The following MYH4 variants were observed in gnomAD, a reference collection of about 807,000 sequenced individuals.
MYH4 encodes myosin-4.
MYH4 carries 200 observed loss-of-function variants against 229.9 expected under a neutral mutation model. The observed-to-expected ratio is 0.87, with a 90% CI of 0.78 to 0.98. MYH4 has a LOEUF of 0.98. Ranked by LOEUF, MYH4 falls within the 50% of genes least tolerant of loss-of-function variation. The pLI is 0.00. For synonymous variants in MYH4, 761 were observed against 834.6 expected (o/e 0.91, Z 1.52); for missense variants, 2,148 against 2,332.6 (o/e 0.92, Z 1.63).
In MYH4 at chr17:10,444,993, G is replaced by A. The variant is rs759003357; in HGVS notation, c.5449C>T (p.Gln1817Ter). 2 of 1,614,112 alleles carry A rather than the reference G, an allele frequency of 1.2e-6. No homozygotes were observed. The highest frequency in any genetic ancestry group is 1.7e-6 in the Non-Finnish European group (2 of 1,180,012). The part of the protein sequence containing the change: ...LALKGGKKQI[Q>*]KLEARVRELE... The stretch of plus-strand genomic sequence containing the variant: ...AGACCTACCCTGGCCTCCAGTTTCT[G>A]GATCTGCTTCTTCCCACCCTTCAGC... Residue 1817 changes from glutamine (Q) to a stop codon, truncating the protein, a stop_gained, in exon 37 of 40, where the codon CAG becomes TAG. Transcript: ENST00000255381. LOFTEE classifies it high-confidence loss of function.
chr17:10,465,360 C>A, intron 5 of MYH4, 82 bp downstream of exon 5: 1 of 1,517,536 alleles, frequency 6.6e-7, no homozygotes. Flanking sequence ...CAGTTATTCT[C>A]AGAATACTAG....
In MYH4 at chr17:10,443,775, T is replaced by C. The variant is rs2072481946; in HGVS notation, c.5668-248A>G. 1.3e-5 allele frequency among the ~76,000 whole-genome samples: 2 copies of C among 151,968 alleles called. No homozygotes were observed. The highest frequency in any genetic ancestry group is 1.3e-4 in the Admixed American group (2 of 15,254). Reference sequence around the variant, plus strand: ...CATCTTTACTAAAATTAGCCCAGCGTAGTGGTGGATGCCTGTAATTCCAGC... The same window carrying C: ...CATCTTTACTAAAATTAGCCCAGCGCAGTGGTGGATGCCTGTAATTCCAGC... On this transcript the variant is annotated intron_variant, in intron 39 of 39. Transcript: ENST00000255381. This position sits in a 1 kb window ranked among gnomAD's most constrained non-coding sequence, Gnocchi z 4.6.
intron 15 of MYH4, 24 bp from the exon 16 acceptor site, chr17:10,457,753 A>G (rs779676630): frequency 4.5e-5 from 72 of 1,599,756 alleles, no homozygotes; most frequent in Non-Finnish European, 5.9e-5. Context: ...AAAAGGGATG[A>G]TAATGATGAG....
intron 2 of MYH4, among the ~76,000 whole-genome samples, chr17:10,467,605 CTT>C (rs2072781639): frequency 1.3e-5 from 2 of 151,948 alleles, no homozygotes; most frequent in South Asian, 4.2e-4. Context: ...CTGTATTTCT[CTT>C]TGTTTTTAGT....
At chr17:10,450,935 T>TAAC in intron 28 of MYH4, 40 bp from the exon 29 acceptor site, 1 of 1,467,104 alleles carries the variant, frequency 6.8e-7, no homozygotes, top group Non-Finnish European at 9.5e-7. Flanking sequence ...TTCTGTTGTC[T>TAAC]AGGTAAACAA....
At chr17:10,456,380 C>T (rs2072638274) in intron 17 of MYH4, 105 bp downstream of exon 17, 1 of 904,770 alleles carries the variant, frequency 1.1e-6, no homozygotes, top group African/African-American at 1.7e-5. Context: ...GTATACTGTA[C>T]TACTTTATTC....
chr17:10,444,019 C>A (rs2072484438), intron 39 of MYH4, among the ~76,000 whole-genome samples: 1 of 152,058 alleles, frequency 6.6e-6, no homozygotes, highest in South Asian at 2.1e-4. Flanking sequence ...TGCTTATGAC[C>A]CTCCTCAAGT....
chr17:10,453,079 A>T, intron 24 of MYH4, 73 bp downstream of exon 24: 1 of 1,603,368 alleles, frequency 6.2e-7, no homozygotes, highest in East Asian at 2.2e-5. Flanking sequence ...AAGGCTTATG[A>T]CTATCAGTGC....
At position 10,453,157 on chromosome 17, in the gene MYH4, C is replaced by A; in HGVS notation, c.3106G>T (p.Asp1036Tyr). 6.2e-7 allele frequency: 1 copy of A among 1,614,094 alleles called. No individual in the cohort carries two copies. The stretch of plus-strand genomic sequence containing the variant: ...ATTTTCTTTTTCACACTTACATCGT[C>A]CACTTGCTGTTCTAGCTTGGTTTTA... ...KAKTKLEQQVDDLEGSLEQEK... is the reference protein window; with the variant it reads ...KAKTKLEQQVYDLEGSLEQEK... Residue 1036 changes from aspartate (D) to tyrosine (Y), a missense_variant, in exon 24 of 40, where the codon GAC becomes TAC. Transcript: ENST00000255381.
At chr17:10,465,770 C>CTTTTTT (rs957442606) in intron 4 of MYH4, among the ~76,000 whole-genome samples, 172 bp from the exon 5 acceptor site, 34 of 97,982 alleles carry the variant, frequency 3.5e-4, no homozygotes, top group East Asian at 1.3e-3. Flanking sequence ...TTCAGTTTTT[C>CTTTTTT]TTTTTTTTTT....
intron 11 of MYH4, among the ~76,000 whole-genome samples, chr17:10,461,973 G>A (rs116275016): frequency 0.015 from 2,337 of 152,026 alleles, 60 homozygotes; most frequent in African/African-American, 0.053. Flanking sequence ...TTTTAACCTC[G>A]CAGACCAGGG....
chr17:10,453,343 A>G lies in MYH4; in HGVS notation c.2935-15T>C. On this transcript the variant is annotated splice_polypyrimidine_tract_variant and intron_variant, in intron 23 of 39. Coordinates refer to ENST00000255381, the MANE Select transcript of MYH4 (RefSeq NM_017533.2). The stretch of plus-strand genomic sequence containing the variant: ...AGGTTTTTCACCTTTAGATTAGAAC[A>G]GATGACCAGAATGTCAATGACAACG... The G allele has an allele frequency of 6.2e-7, 1 of 1,613,996 alleles. No individual in the cohort carries two copies.
chr17:10,458,605 A>G (rs1485927731), intron 15 of MYH4, among the ~76,000 whole-genome samples: 1 of 152,136 alleles, frequency 6.6e-6, no homozygotes, highest in Non-Finnish European at 1.5e-5. Context: ...CATACACTTT[A>G]TTGATATCAA....
At chr17:10,451,683 A>G (rs1202989723) in intron 27 of MYH4, among the ~76,000 whole-genome samples, 1 of 152,186 alleles carries the variant, frequency 6.6e-6, no homozygotes, top group Non-Finnish European at 1.5e-5. Context: ...ATTCTGCATC[A>G]TTTAGAGTAT....
In MYH4 at chr17:10,443,465, G is replaced by C. The variant is rs759344092; in HGVS notation, c.5730C>G (p.Ala1910=). 1 of 1,614,002 alleles carries C rather than the reference G, an allele frequency of 6.2e-7. No homozygotes were observed. The highest frequency in any genetic ancestry group is 1.1e-5 in the South Asian group (1 of 91,076). ...ACTCAGCAATGTCAGCCCGTTCCTT[G>C]GCCTCCTCCAGCTCGTGCTGGAGCT... is the stretch of plus-strand genomic sequence containing the variant. ...FRKLQHELEE[A]KERADIAESQ... is the part of the protein sequence containing the mutation. Residue 1910 remains alanine (A), a synonymous_variant, in exon 40 of 40, where the codon GCC becomes GCG. Transcript: ENST00000255381. The surrounding 1 kb of genome is among the most constrained non-coding windows in gnomAD (Gnocchi z 4.6).
In MYH4 at chr17:10,443,479, C is replaced by T. The variant is rs138871618; in HGVS notation, c.5716G>A (p.Glu1906Lys). The change falls in exon 40 of 40, where the codon GAG becomes AAG. Residue 1906 changes from glutamate (E) to lysine (K), a missense_variant. By Grantham distance (56) the Glu-to-Lys change is moderately conservative. Transcript: ENST00000255381. This position sits in a 1 kb window ranked among gnomAD's most constrained non-coding sequence, Gnocchi z 4.6. The stretch of plus-strand genomic sequence containing the variant: ...GCCCGTTCCTTGGCCTCCTCCAGCT[C>T]GTGCTGGAGCTTGCGGAACTTGGCA... ...NLAKFRKLQH[E>K]LEEAKERADI... is the part of the protein sequence containing the mutation. 4.0e-5 allele frequency: 65 copies of T among 1,614,054 alleles called. 1 individual carries two copies. Among genetic ancestry groups the T allele is most frequent in the Admixed American group, 3.7e-4 (22 of 60,026 alleles).
At chr17:10,457,065 G>T (rs942291848) in intron 16 of MYH4, among the ~76,000 whole-genome samples, 1 of 152,214 alleles carries the variant, frequency 6.6e-6, no homozygotes, top group African/African-American at 2.4e-5. Context: ...AAGCACTAGG[G>T]CCCTGACAAA....
rs370061303 is a variant in MYH4, at chr17:10,460,230, G to A, written c.1239C>T (p.Phe413=). The part of the protein sequence containing the change: ...CYPRVKVGNE[F]VTKGQTVQQV... Reference sequence around the variant, plus strand: ...GCTGCACAGTCTGGCCTTTGGTTACGAACTCATTGCCGACCTTGACTCTGG... The same window carrying A: ...GCTGCACAGTCTGGCCTTTGGTTACAAACTCATTGCCGACCTTGACTCTGG... Residue 413 remains phenylalanine (F), a synonymous_variant, in exon 13 of 40, where the codon TTC becomes TTT. Coordinates refer to ENST00000255381, the MANE Select transcript of MYH4 (RefSeq NM_017533.2). The A allele has an allele frequency of 1.1e-5, 18 of 1,613,898 alleles. No individual in the cohort carries two copies. Among genetic ancestry groups the A allele is most frequent in the East Asian group, 2.2e-5 (1 of 44,894 alleles).
rs73974711 is a variant in MYH4, at chr17:10,446,581, T to G, written c.5169+432A>C. 2.8e-3 allele frequency among the ~76,000 whole-genome samples: 432 copies of G among 152,324 alleles called. 2 individuals carry two copies. The highest frequency in any genetic ancestry group is 0.01 in the African/African-American group (424 of 41,582). On this transcript the variant is annotated intron_variant, in intron 35 of 39. Transcript: ENST00000255381. Reference sequence around the variant, plus strand: ...TAACTAGTATTAATAATGGCCTCCATGAATTTGAACTAAAGAGCTTCTCTT... The same window carrying G: ...TAACTAGTATTAATAATGGCCTCCAGGAATTTGAACTAAAGAGCTTCTCTT...
Sources: allele counts gnomAD v4.1 joint callset (sites outside exome capture counted in the v4.1 genomes callset), GRCh38; gene constraint gnomAD v4.1.1; non-coding constraint Gnocchi (gnomAD v3.1); transcripts MANE v1.5; gene names NCBI Gene and HGNC (gene_info 2026-07-23, HGNC 2026-07-21).